The following TSC2 variants were observed in gnomAD, a reference collection of about 807,000 sequenced individuals.
TSC2 encodes the protein tuberin.
Under a neutral mutation model 202.2 loss-of-function variants are expected in TSC2, and 29 were observed. The ratio of observed to expected loss-of-function variants is 0.14; its 90% CI spans 0.11 to 0.20. The LOEUF (loss-of-function observed/expected upper bound fraction) is 0.20, where lower values mean the gene tolerates loss of function less well. Among genes scored for constraint, TSC2 ranks in the 10% least tolerant of loss-of-function variants. TSC2 has a pLI of 1.00. For synonymous variants in TSC2, 1,349 were observed against 1,044.0 expected (o/e 1.29, Z -5.63); for missense variants, 2,429 against 2,420.0 (o/e 1.00, Z -0.08).
intron 24 of TSC2, 59 bp from the exon 25 acceptor site, chr16:2,076,432 G>A: frequency 3.1e-6 from 5 of 1,606,870 alleles, no homozygotes; most frequent in Non-Finnish European, 4.3e-6. Context: ...GGCAGGCCTG[G>A]TGAGGGCCTC....
chr16:2,080,527 A>G, intron 30 of TSC2, 150 bp downstream of exon 30: 2 of 887,548 alleles, frequency 2.3e-6, no homozygotes, highest in African/African-American at 1.7e-5. Flanking sequence ...TCTGTGGCCC[A>G]CGCTGGAACG....
At chr16:2,062,632 C>A (rs770951035) in intron 13 of TSC2, 32 bp downstream of exon 13, 1 of 1,572,878 alleles carries the variant, frequency 6.4e-7, no homozygotes, top group Admixed American at 1.8e-5. Flanking sequence ...TGCCTGGCAC[C>A]TGGAGCCTGG....
rs45517418 is a variant in TSC2, at chr16:2,088,504, A to G, written c.5318A>G (p.His1773Arg). ...PSLPLVHPPSHSKAPAQTPAE... is the reference protein window; with the variant it reads ...PSLPLVHPPSRSKAPAQTPAE... ...CTACCTCTGGTGCACCCTCCGTCCC[A>G]TAGCAAAGCCCCTGCACAGACTCCA... The change falls in exon 42 of 42, where the codon CAT (histidine) becomes CGT (arginine). Residue 1773 changes from histidine to arginine, a missense_variant. Physicochemically the swap from His to Arg is conservative, Grantham distance 29 (BLOSUM62 0). Coordinates refer to ENST00000219476, the MANE Select transcript of TSC2 (RefSeq NM_000548.5). 3.1e-6 allele frequency: 5 copies of G among 1,612,852 alleles called. No individual in the cohort carries two copies. The East Asian group carries it at 1.1e-4, about 36-fold the overall frequency.
chr16:2,084,786 G>A (rs902949367), intron 34 of TSC2, 71 bp downstream of exon 34: 86 of 1,598,386 alleles, frequency 5.4e-5, no homozygotes, highest in Admixed American at 1.7e-4. Flanking sequence ...ACTTGCCCCA[G>A]GCCGAGCGGG....
Position 2,071,303 on chromosome 16 carries a change from C to G in TSC2, c.1840-207C>G, listed in dbSNP as rs563331010. Reference sequence around the variant, plus strand: ...ACACCAGGCTCTGTGAGCTCCGAGGCAAGGGAGGGAGGAGGCTGTGGGTGC... The same window carrying G: ...ACACCAGGCTCTGTGAGCTCCGAGGGAAGGGAGGGAGGAGGCTGTGGGTGC... On this transcript the variant is annotated intron_variant, in intron 17 of 41. Coordinates refer to ENST00000219476, the MANE Select transcript of TSC2 (RefSeq NM_000548.5). The G allele has an allele frequency of 7.6e-4, 479 of 630,562 alleles. 2 individuals carry two copies. The Admixed American group carries it at 9.8e-3, about 13-fold the overall frequency. The allele number at this position is 630,562 out of a possible 1,614,324, so 39.1% of individuals were successfully genotyped here.
chr16:2,062,401 G>A, intron 12 of TSC2, 96 bp from the exon 13 acceptor site: 1 of 1,213,158 alleles, frequency 8.2e-7, no homozygotes, highest in Non-Finnish European at 1.2e-6. Context: ...AGGCGGCTGG[G>A]CTCTGACAGC....
chr16:2,087,024 C>G, intron 38 of TSC2, 153 bp downstream of exon 38: 1 of 1,194,440 alleles, frequency 8.4e-7, no homozygotes, highest in Non-Finnish European at 1.2e-6. Flanking sequence ...AGCTTCACCC[C>G]GAGCCTGCGT....
At position 2,088,886 on chromosome 16, in the gene TSC2, C is replaced by A. The variant is rs1311531741; in HGVS notation, c.*276C>A. The A allele has an allele frequency of 8.0e-6, 3 of 372,800 alleles. No individual in the cohort carries two copies. The highest frequency in any genetic ancestry group is 5.2e-5 in the South Asian group (2 of 38,232). 23.1% of individuals were successfully genotyped at this position (372,800 alleles called of 1,614,324 possible). On this transcript the variant is annotated 3_prime_UTR_variant, in exon 42 of 42. Coordinates refer to ENST00000219476, the MANE Select transcript of TSC2 (RefSeq NM_000548.5). ...ACACTCGCGCGTGCGCGCGCGCACA[C>A]ACACACACACACAGTCACCTTCCTC...
chr16:2,076,673 T>C, intron 25 of TSC2, 88 bp downstream of exon 25: 1 of 1,335,286 alleles, frequency 7.5e-7, no homozygotes, highest in Non-Finnish European at 1.1e-6. Context: ...TCCAAGTCAG[T>C]GAGTGGAAAT....
In TSC2 at chr16:2,048,763, C is replaced by G. The variant is rs748932830; in HGVS notation, c.138+10C>G. 6.2e-7 allele frequency: 1 copy of G among 1,613,944 alleles called. No homozygotes were observed. The highest frequency in any genetic ancestry group is 2.2e-5 in the East Asian group (1 of 44,888). On this transcript the variant is annotated intron_variant, in intron 2 of 41. Coordinates refer to ENST00000219476, the MANE Select transcript of TSC2 (RefSeq NM_000548.5). The stretch of plus-strand genomic sequence containing the variant: ...CGCGGAAATACTGAGAGTGAGTGAG[C>G]TACCTGTGTCTTTGCTAGGCTAGAG...
intron 14 of TSC2, chr16:2,063,472 C>G (rs1033282273): frequency 9.9e-6 from 3 of 303,976 alleles, no homozygotes; most frequent in African/African-American, 6.5e-5. Context: ...TCCCTCTCCA[C>G]TCCCTCCTCT....
chr16:2,081,807 C>T lies in TSC2; in HGVS notation c.3814+9C>T, dbSNP rs371944932. ...GCCTCGCTCCAACACAGGTGAGTGG[C>T]ATGGCGGGCCTTGGCACGGGCTCTG... On this transcript the variant is annotated intron_variant, in intron 31 of 41. Transcript: ENST00000219476. 4 of 1,611,570 alleles carry T rather than the reference C, an allele frequency of 2.5e-6. No homozygotes were observed. The highest frequency in any genetic ancestry group is 1.7e-5 in the Admixed American group (1 of 59,990).
intron 7 of TSC2, 129 bp from the exon 8 acceptor site, chr16:2,056,515 G>C: frequency 7.1e-7 from 1 of 1,409,160 alleles, no homozygotes; most frequent in Non-Finnish European, 9.6e-7. Flanking sequence ...GTGGCTTGGA[G>C]AGAGGGTGCC....
chr16:2,048,157 A>C, intron 1 of TSC2, 92 bp downstream of exon 1: 3 of 1,534,816 alleles, frequency 2.0e-6, no homozygotes, highest in Non-Finnish European at 1.8e-6. Flanking sequence ...CCGGGCCCTC[A>C]CCCGCGCCCA....
chr16:2,076,327 G>T, intron 24 of TSC2, 157 bp downstream of exon 24: 1 of 1,561,240 alleles, frequency 6.4e-7, no homozygotes, highest in East Asian at 2.3e-5. Flanking sequence ...TGGGCAGCCT[G>T]CAGGGCTTTG....
intron 20 of TSC2, 120 bp downstream of exon 20, chr16:2,072,483 T>C: frequency 2.1e-6 from 3 of 1,461,092 alleles, no homozygotes; most frequent in Non-Finnish European, 1.9e-6. Context: ...TCCCTCAAAC[T>C]CAGCTGCACT....
At chr16:2,085,435 C>A in intron 36 of TSC2, 113 bp downstream of exon 36, 1 of 1,149,532 alleles carries the variant, frequency 8.7e-7, no homozygotes, top group Non-Finnish European at 1.3e-6. Flanking sequence ...CTGCCGGGTC[C>A]CCTACAGCAT....
At chr16:2,048,891 C>T (rs1245413453) in intron 2 of TSC2, 138 bp downstream of exon 2, 24 of 1,236,560 alleles carry the variant, frequency 1.9e-5, no homozygotes, top group Non-Finnish European at 2.6e-5. Flanking sequence ...ACTTGGAGGC[C>T]GACATGTCCT....
In TSC2 at chr16:2,060,593, C is replaced by A. The variant is rs1596297679; in HGVS notation, c.976-77C>A. 3.1e-6 allele frequency: 5 copies of A among 1,610,196 alleles called. No homozygotes were observed. The East Asian group carries it at 1.1e-4, about 36-fold the overall frequency. On this transcript the variant is annotated intron_variant, in intron 10 of 41. Coordinates refer to ENST00000219476, the MANE Select transcript of TSC2 (RefSeq NM_000548.5). ...CGCGCTCAGGCGTGCTACTCTCGGT[C>A]CCAAGGGTGACTGGGAGGGCGTCCC...
Sources: allele counts gnomAD v4.1 joint callset, GRCh38; gene constraint gnomAD v4.1.1; transcripts MANE v1.5; gene names NCBI Gene and HGNC (gene_info 2026-07-23, HGNC 2026-07-21).